The following EPYC variants were observed in gnomAD, a reference collection of about 807,000 sequenced individuals.
EPYC encodes epiphycan.
In EPYC, 28 loss-of-function variants were observed where a neutral mutation model predicts 30.1. The observed-to-expected ratio is 0.93, with a 90% CI of 0.69 to 1.28. EPYC has a LOEUF of 1.28. Among genes scored for constraint, EPYC ranks in the 50% most tolerant of loss-of-function variants. The probability of loss-of-function intolerance (pLI) is 0.00; values close to 1 mark genes in which losing one functional copy is unlikely to be tolerated. For missense variants in EPYC, 382 were observed against 383.5 expected, an observed-to-expected ratio of 1.00 and a Z score of 0.03; for synonymous variants, 144 against 141.4, an observed-to-expected ratio of 1.02 and a Z score of -0.13.
intron 6 of EPYC, among the ~76,000 whole-genome samples, chr12:90,967,660 T>C (rs1364374127): frequency 1.3e-5 from 2 of 152,206 alleles, no homozygotes; most frequent in African/African-American, 4.8e-5. Flanking sequence ...AGTGATCTTA[T>C]AGATAGTTGT....
At chr12:90,982,408 A>G (rs1453292175) in intron 2 of EPYC, among the ~76,000 whole-genome samples, 3 of 152,000 alleles carry the variant, frequency 2.0e-5, no homozygotes, top group East Asian at 3.9e-4. Context: ...ATCACCCAAG[A>G]AAAAAACTCT....
At chr12:90,991,110 GTTC>G (rs1282030888) in intron 2 of EPYC, among the ~76,000 whole-genome samples, 2 of 151,998 alleles carry the variant, frequency 1.3e-5, no homozygotes, top group African/African-American at 4.8e-5. Flanking sequence ...ATATTTCTTT[GTTC>G]TTCTCAAACG....
intron 2 of EPYC, among the ~76,000 whole-genome samples, chr12:91,000,175 A>G (rs1173524128): frequency 6.6e-6 from 1 of 152,068 alleles, no homozygotes; most frequent in Non-Finnish European, 1.5e-5. Context: ...AGGGATTGTT[A>G]GTGGCTCTCT....
intron 3 of EPYC, among the ~76,000 whole-genome samples, chr12:90,976,794 G>A (rs1388580411): frequency 6.6e-6 from 1 of 152,090 alleles, no homozygotes; most frequent in Non-Finnish European, 1.5e-5. Flanking sequence ...CATGGGGGCG[G>A]CTTCCCTCAT....
At chr12:90,966,714 T>C in intron 6 of EPYC, among the ~76,000 whole-genome samples, 1 of 152,148 alleles carries the variant, frequency 6.6e-6, no homozygotes, top group Admixed American at 6.5e-5. Flanking sequence ...AAGATTGTTA[T>C]GAATTCTTCT....
In EPYC at chr12:91,002,420, A is replaced by G. The variant is rs368412419; in HGVS notation, c.146T>C (p.Ile49Thr). 8 of 1,612,280 alleles carry G rather than the reference A, an allele frequency of 5.0e-6. No homozygotes were observed. The highest frequency in any genetic ancestry group is 1.6e-4 in the Middle Eastern group (1 of 6,072). Residue 49 changes from isoleucine to threonine, a missense_variant, in exon 2 of 7, where the codon ATA becomes ACA. Transcript: ENST00000261172. ...DLDNLYNYEN[I>T]PVDKVEIEIA... is the part of the protein sequence containing the mutation. ...GATTACCTCAACTTTATCAACAGGTATGTTTTCATAGTTGTACAAATTATC... is the reference window on the plus strand; with the variant it reads ...GATTACCTCAACTTTATCAACAGGTGTGTTTTCATAGTTGTACAAATTATC...
chr12:90,963,857 T>C lies in EPYC; in HGVS notation c.*299A>G, dbSNP rs1007436689. 1 of 198,166 alleles carries C rather than the reference T, an allele frequency of 5.0e-6. No individual in the cohort carries two copies. The highest frequency in any genetic ancestry group is 2.3e-5 in the African/African-American group (1 of 43,554). 12.3% of individuals were successfully genotyped at this position (198,166 alleles called of 1,614,324 possible). On this transcript the variant is annotated 3_prime_UTR_variant, in exon 7 of 7. Transcript: ENST00000261172. ...ACTTTATTATGTACTTAATTTGAAATGATATAGGATATGAACTCCTAAAAC... is the reference window on the plus strand; with the variant it reads ...ACTTTATTATGTACTTAATTTGAAACGATATAGGATATGAACTCCTAAAAC...
chr12:90,973,558 CAT>C (rs1440238986), intron 3 of EPYC, among the ~76,000 whole-genome samples: 4 of 152,196 alleles, frequency 2.6e-5, no homozygotes, highest in African/African-American at 7.2e-5. Flanking sequence ...CTGAACATAA[CAT>C]AGGGGGATTT....
chr12:90,973,695 G>A (rs1877109703), intron 3 of EPYC, among the ~76,000 whole-genome samples: 1 of 152,138 alleles, frequency 6.6e-6, no homozygotes, highest in Non-Finnish European at 1.5e-5. Context: ...AGCAGCATAT[G>A]CCTTCACTTT....
At chr12:90,969,695 T>C (rs1209785593) in intron 6 of EPYC, among the ~76,000 whole-genome samples, 2 of 152,166 alleles carry the variant, frequency 1.3e-5, no homozygotes, top group African/African-American at 2.4e-5. Context: ...TAGATTTTTA[T>C]TTCTCCCTTT....
At chr12:90,990,382 A>G (rs1326006063) in intron 2 of EPYC, among the ~76,000 whole-genome samples, 1 of 152,098 alleles carries the variant, frequency 6.6e-6, no homozygotes, top group Non-Finnish European at 1.5e-5. Flanking sequence ...TATAAGAAAA[A>G]AATGTGTGTT....
chr12:90,996,682 A>T (rs1332205243), intron 2 of EPYC, among the ~76,000 whole-genome samples: 1 of 152,022 alleles, frequency 6.6e-6, no homozygotes, highest in East Asian at 1.9e-4. Flanking sequence ...GATTTTAAAC[A>T]ATCTAGCCAC....
chr12:90,973,844 C>T (rs1394949807), intron 3 of EPYC, among the ~76,000 whole-genome samples: 1 of 151,930 alleles, frequency 6.6e-6, no homozygotes, highest in Non-Finnish European at 1.5e-5. Flanking sequence ...TCATACGATG[C>T]GGTTTGCATG....
intron 1 of EPYC, among the ~76,000 whole-genome samples, chr12:91,003,897 GA>G (rs1264593114): frequency 6.6e-6 from 1 of 152,108 alleles, no homozygotes; most frequent in Non-Finnish European, 1.5e-5. Context: ...AGAAGGATAT[GA>G]AATTCCTCTG....
chr12:90,996,993 T>TGA (rs1877707660), intron 2 of EPYC, among the ~76,000 whole-genome samples: 1 of 151,944 alleles, frequency 6.6e-6, no homozygotes, highest in Non-Finnish European at 1.5e-5. Flanking sequence ...AAAATTGGGC[T>TGA]CCAGGTTGCT....
Position 90,978,162 on chromosome 12 carries a change from G to C in EPYC, c.266C>G (p.Thr89Ser), listed in dbSNP as rs1023240396. Residue 89 changes from threonine to serine, a missense_variant, in exon 3 of 7, where the codon ACT (threonine) becomes AGT (serine). Transcript: ENST00000261172. The stretch of plus-strand genomic sequence containing the variant: ...AGAAGAGCCATCAATCAGCCTGGGA[G>C]TAGATTCCTCCTCCTCTTCCTCTTC... Reference protein sequence around the residue: ...AQEEEEEEESTPRLIDGSSPQ... With the variant: ...AQEEEEEEESSPRLIDGSSPQ... 5.0e-6 allele frequency: 8 copies of C among 1,606,590 alleles called. No homozygotes were observed. The African/African-American group carries it at 6.8e-5, about 14-fold the overall frequency.
chr12:90,997,022 G>C (rs1399886223), intron 2 of EPYC, among the ~76,000 whole-genome samples: 1 of 151,964 alleles, frequency 6.6e-6, no homozygotes, highest in Admixed American at 6.6e-5. Flanking sequence ...AAGCCATAAT[G>C]ACAAGCACAC....
intron 2 of EPYC, among the ~76,000 whole-genome samples, chr12:90,993,000 C>T (rs1299590793): frequency 3.2e-5 from 2 of 61,826 alleles, no homozygotes; most frequent in Non-Finnish European, 6.6e-5. Flanking sequence ...AGGTTACAGA[C>T]CAGAGTCAAG....
chr12:90,986,764 CA>C (rs1451630850), intron 2 of EPYC, among the ~76,000 whole-genome samples: 8 of 152,114 alleles, frequency 5.3e-5, no homozygotes, highest in African/African-American at 1.9e-4. Flanking sequence ...ATCTGAACTA[CA>C]GGACTATGAG....
Sources: allele counts gnomAD v4.1 joint callset (sites outside exome capture counted in the v4.1 genomes callset), GRCh38; gene constraint gnomAD v4.1.1; transcripts MANE v1.5; gene names NCBI Gene and HGNC (gene_info 2026-07-23, HGNC 2026-07-21).